The following CCSER1 variants were observed in gnomAD, a reference collection of about 807,000 sequenced individuals.
The protein encoded by CCSER1 is coiled-coil serine rich protein 1.
CCSER1 carries 41 observed loss-of-function variants against 82.0 expected under a neutral mutation model. The ratio of observed to expected loss-of-function variants is 0.50; its 90% CI spans 0.39 to 0.65. The LOEUF (loss-of-function observed/expected upper bound fraction) is 0.65, where lower values mean the gene tolerates loss of function less well. CCSER1 is among the 30% of genes least tolerant of loss of function. CCSER1 has a pLI of 0.00. For missense variants in CCSER1, 1,119 were observed against 1,064.2 expected (o/e 1.05, Z -0.72); for synonymous variants, 414 against 383.9 (o/e 1.08, Z -0.92).
At chr4:91,554,584 AG>A in intron 10 of CCSER1, among the ~76,000 whole-genome samples, 1 of 151,380 alleles carries the variant, frequency 6.6e-6, no homozygotes, top group East Asian at 1.9e-4. Context: ...CCTGTGTTGA[AG>A]GACTACAAGA....
chr4:90,636,317 T>C (rs1725407121), intron 6 of CCSER1, among the ~76,000 whole-genome samples: 1 of 151,922 alleles, frequency 6.6e-6, no homozygotes, highest in South Asian at 2.1e-4. Context: ...GAAATACATA[T>C]GACAGATATT....
intron 1 of CCSER1, among the ~76,000 whole-genome samples, chr4:90,251,322 A>C (rs1188015287): frequency 6.6e-6 from 1 of 151,866 alleles, no homozygotes; most frequent in Non-Finnish European, 1.5e-5. Context: ...TTTAGATGTG[A>C]AAGCATTTGG....
At chr4:90,727,408 T>G in intron 7 of CCSER1, 1 of 397,390 alleles carries the variant, frequency 2.5e-6, no homozygotes, top group Non-Finnish European at 4.9e-6. Flanking sequence ...CATTAAGTTT[T>G]TTATAGTTTT....
At chr4:90,705,269 C>T (rs2149297978) in intron 6 of CCSER1, among the ~76,000 whole-genome samples, 1 of 152,350 alleles carries the variant, frequency 6.6e-6, no homozygotes, top group East Asian at 1.9e-4. Flanking sequence ...GTATCAGCAA[C>T]AGAGGCTGCA....
intron 7 of CCSER1, among the ~76,000 whole-genome samples, chr4:90,756,927 C>T (rs980837468): frequency 6.6e-6 from 1 of 152,054 alleles, no homozygotes; most frequent in Non-Finnish European, 1.5e-5. Flanking sequence ...CTTATGTGTA[C>T]TTTATTCCAC....
chr4:90,880,628 T>C (rs953734766), intron 8 of CCSER1, among the ~76,000 whole-genome samples: 8 of 152,178 alleles, frequency 5.3e-5, no homozygotes, highest in Non-Finnish European at 1.2e-4. Context: ...AAGTTTCTAC[T>C]CACTCAGCTC....
At chr4:91,152,989 T>C (rs1730399748) in intron 10 of CCSER1, among the ~76,000 whole-genome samples, 1 of 151,974 alleles carries the variant, frequency 6.6e-6, no homozygotes, top group African/African-American at 2.4e-5. Flanking sequence ...ATTATGTGTC[T>C]TGGAGTTGCT....
chr4:90,226,425 G>A (rs1323329797), intron 1 of CCSER1, among the ~76,000 whole-genome samples: 5 of 152,194 alleles, frequency 3.3e-5, no homozygotes, highest in Non-Finnish European at 7.3e-5. Flanking sequence ...CCTCAGGCAA[G>A]GTGAGGTTCT....
intron 9 of CCSER1, among the ~76,000 whole-genome samples, chr4:91,076,357 A>G (rs1721999766): frequency 6.6e-6 from 1 of 150,658 alleles, no homozygotes; most frequent in African/African-American, 2.4e-5. Context: ...CTAAATGCTT[A>G]TTCCCAGCTC....
At chr4:90,764,002 C>T (rs956325060) in intron 7 of CCSER1, among the ~76,000 whole-genome samples, 2 of 152,086 alleles carry the variant, frequency 1.3e-5, no homozygotes, top group Non-Finnish European at 2.9e-5. Context: ...AAACCTAATT[C>T]CTTGCTTAAA....
At chr4:90,687,867 C>G (rs935408069) in intron 6 of CCSER1, among the ~76,000 whole-genome samples, 3 of 152,106 alleles carry the variant, frequency 2.0e-5, no homozygotes, top group Admixed American at 2.0e-4. Context: ...CAGGGAAATA[C>G]TTTTCTGGAA....
intron 1 of CCSER1, among the ~76,000 whole-genome samples, chr4:90,274,839 C>T (rs1397989590): frequency 6.6e-6 from 1 of 151,916 alleles, no homozygotes; most frequent in African/African-American, 2.4e-5. Flanking sequence ...TTAAACATAT[C>T]AAAAGGAAAA....
intron 10 of CCSER1, among the ~76,000 whole-genome samples, chr4:91,184,097 G>A (rs538092268): frequency 5.9e-5 from 9 of 152,304 alleles, no homozygotes; most frequent in African/African-American, 1.7e-4. Context: ...ACAAGAAATC[G>A]AATTTTGCAA....
chr4:91,494,807 T>C (rs1027471358), intron 10 of CCSER1, among the ~76,000 whole-genome samples: 1 of 151,856 alleles, frequency 6.6e-6, no homozygotes, highest in Non-Finnish European at 1.5e-5. Context: ...TAAAGCTAAT[T>C]GTATGATATT....
chr4:91,323,842 A>G (rs559864530), intron 10 of CCSER1, among the ~76,000 whole-genome samples: 71 of 152,310 alleles, frequency 4.7e-4, no homozygotes, highest in Middle Eastern at 3.4e-3. Context: ...GACTGGAACT[A>G]CTTGCCACAC....
At chr4:90,997,518 G>T (rs1200691513) in intron 9 of CCSER1, among the ~76,000 whole-genome samples, 2 of 152,094 alleles carry the variant, frequency 1.3e-5, no homozygotes, top group African/African-American at 4.8e-5. Flanking sequence ...GGGGATTAGG[G>T]CATAGACATC....
intron 7 of CCSER1, among the ~76,000 whole-genome samples, chr4:90,752,615 G>A (rs150425648): frequency 6.6e-6 from 1 of 152,150 alleles, no homozygotes; most frequent in East Asian, 1.9e-4. Flanking sequence ...AGTTTGATCT[G>A]GAGTGATGTG....
intron 10 of CCSER1, among the ~76,000 whole-genome samples, chr4:91,466,767 GAATAA>G (rs1210446468): frequency 1.3e-5 from 2 of 152,080 alleles, no homozygotes; most frequent in African/African-American, 4.8e-5. Context: ...GCTTCAAAGA[GAATAA>G]AATACCTAGG....
At chr4:90,639,051 G>T (rs1464759828) in intron 6 of CCSER1, among the ~76,000 whole-genome samples, 2 of 152,004 alleles carry the variant, frequency 1.3e-5, no homozygotes, top group Admixed American at 1.3e-4. Context: ...TGAGTTTGGG[G>T]TAGGCACTCA....
Sources: allele counts gnomAD v4.1 joint callset (sites outside exome capture counted in the v4.1 genomes callset), GRCh38; gene constraint gnomAD v4.1.1; transcripts MANE v1.5; gene names NCBI Gene and HGNC (gene_info 2026-07-23, HGNC 2026-07-21).